Variants in GPHN observed in about 807,000 individuals in gnomAD.
GPHN encodes the protein gephyrin.
A neutral mutation model predicts 95.5 loss-of-function variants in GPHN; 17 were observed. That is an observed-to-expected ratio of 0.18 (90% confidence interval 0.12 to 0.27). GPHN has a LOEUF of 0.27. Among genes scored for constraint, GPHN ranks in the 10% least tolerant of loss-of-function variants. The pLI is 1.00. For synonymous variants in GPHN, 320 were observed against 322.5 expected (o/e 0.99, Z 0.08); for missense variants, 660 against 978.1 (o/e 0.67, Z 4.34).
chr14:66,964,186 T>C (rs2069156668), intron 8 of GPHN, among the ~76,000 whole-genome samples: 1 of 152,124 alleles, frequency 6.6e-6, no homozygotes, highest in African/African-American at 2.4e-5. Context: ...AGAATAATGA[T>C]AATTACATTA....
chr14:66,784,660 G>A (rs2059710924), intron 3 of GPHN, among the ~76,000 whole-genome samples: 1 of 152,116 alleles, frequency 6.6e-6, no homozygotes, highest in Non-Finnish European at 1.5e-5. Context: ...TGTCAATACT[G>A]GTAGAGTGTG....
chr14:67,120,053 G>C (rs187404933), intron 16 of GPHN, among the ~76,000 whole-genome samples: 23 of 151,954 alleles, frequency 1.5e-4, no homozygotes, highest in African/African-American at 5.3e-4. Context: ...TTGAACCCAG[G>C]GGGTGGAGGT....
chr14:66,714,923 T>G (rs925353108), intron 2 of GPHN, among the ~76,000 whole-genome samples: 3 of 152,150 alleles, frequency 2.0e-5, no homozygotes, highest in African/African-American at 7.2e-5. Flanking sequence ...TTCAGGGATA[T>G]TGGTCTGTAG....
the GPHN span, chr14:67,503,489 C>T: frequency 1.3e-5 from 2 of 152,144 alleles, no homozygotes; most frequent in East Asian, 3.9e-4. Flanking sequence ...TCAATTACCT[C>T]CTAAGGCAGC....
intron 1 of GPHN, among the ~76,000 whole-genome samples, chr14:66,614,473 CTT>C (rs2062914863): frequency 6.6e-6 from 1 of 151,824 alleles, no homozygotes; most frequent in Non-Finnish European, 1.5e-5. Flanking sequence ...TAATTTAAAA[CTT>C]ATTCACTTAT....
At chr14:66,713,249 C>T (rs1161275891) in intron 2 of GPHN, among the ~76,000 whole-genome samples, 4 of 152,208 alleles carry the variant, frequency 2.6e-5, no homozygotes, top group South Asian at 2.1e-4. Context: ...CTGATGTTAT[C>T]GTCTAGAATT....
At chr14:67,084,274 G>A (rs932452053) in intron 11 of GPHN, among the ~76,000 whole-genome samples, 5 of 152,138 alleles carry the variant, frequency 3.3e-5, no homozygotes, top group African/African-American at 1.2e-4. Context: ...CTTAAATTAT[G>A]CTAGTAAATT....
chr14:67,092,067 A>G (rs145142561), intron 12 of GPHN, among the ~76,000 whole-genome samples: 1,826 of 152,186 alleles, frequency 0.012, 19 homozygotes, highest in Non-Finnish European at 0.018. Context: ...TATGAACATC[A>G]TAATTAAAGA....
the GPHN span, among the ~76,000 whole-genome samples, chr14:67,225,956 T>TGCGC: frequency 1.5e-4 from 20 of 136,294 alleles, no homozygotes; most frequent in African/African-American, 4.5e-4. Context: ...TGTGTGTGTG[T>TGCGC]GTGTGTGCGC....
chr14:66,700,216 T>G (rs796575335), intron 2 of GPHN, among the ~76,000 whole-genome samples: 13 of 152,300 alleles, frequency 8.5e-5, no homozygotes, highest in African/African-American at 3.1e-4. Flanking sequence ...AAACCCTATT[T>G]GTTTTTAGGG....
chr14:67,653,327 T>C, the GPHN span: 6 of 826,966 alleles, frequency 7.3e-6, no homozygotes, highest in South Asian at 6.2e-5. Flanking sequence ...ACAGGGACTA[T>C]GCGTCAACTG....
At chr14:67,599,220 T>C in the GPHN span, among the ~76,000 whole-genome samples, 2 of 152,220 alleles carry the variant, frequency 1.3e-5, no homozygotes, top group East Asian at 1.9e-4. Context: ...GGATAATACA[T>C]TCAATTCAGG....
chr14:66,521,561 C>G (rs2058485447), intron 1 of GPHN, among the ~76,000 whole-genome samples: 1 of 152,286 alleles, frequency 6.6e-6, no homozygotes, highest in East Asian at 1.9e-4. Context: ...AAGGCACTAG[C>G]AGATCTGGTC....
At chr14:67,680,288 C>T in the GPHN span, among the ~76,000 whole-genome samples, 1 of 152,226 alleles carries the variant, frequency 6.6e-6, no homozygotes, top group African/African-American at 2.4e-5. Context: ...AAAAGATCAT[C>T]AGTGAGAACC....
rs568778830 is a variant in GPHN at position 66,851,656 on chromosome 14, AAG to A, written c.294+27097_294+27098del. On this transcript the variant is annotated intron_variant, in intron 4 of 22. Transcript: ENST00000478722. The stretch of plus-strand genomic sequence containing the variant: ...GCAGAATGGGTTTTGAGGGAGTGGC[AAG>A]AGAGAGCTGGGAAAAGTAGGTAAGG... 8.1e-4 allele frequency among the ~76,000 whole-genome samples: 124 copies of A among 152,298 alleles called. 1 individual carries two copies. The highest frequency in any genetic ancestry group is 2.8e-3 in the African/African-American group (117 of 41,572).
chr14:67,460,334 C>T, the GPHN span, among the ~76,000 whole-genome samples: 7 of 152,168 alleles, frequency 4.6e-5, no homozygotes, highest in African/African-American at 1.7e-4. Context: ...TCTCCCTATC[C>T]TCAGTTTGTT....
the GPHN span, chr14:67,651,297 G>C: frequency 3.5e-4 from 567 of 1,604,174 alleles, 2 homozygotes; most frequent in Middle Eastern, 2.6e-3. Context: ...TCAGCCCACA[G>C]CAGCAATATG....
the GPHN span, among the ~76,000 whole-genome samples, chr14:67,552,583 C>T: frequency 6.6e-6 from 1 of 152,012 alleles, no homozygotes; most frequent in African/African-American, 2.4e-5. Flanking sequence ...TTGGCTAACA[C>T]GGTGAAACCC....
chr14:67,729,376 T>C, the GPHN span: 1 of 1,597,432 alleles, frequency 6.3e-7, no homozygotes, highest in South Asian at 1.1e-5. Context: ...TGGCAAGTAC[T>C]TCAGGTGTGT....
Sources: allele counts gnomAD v4.1 joint callset (sites outside exome capture counted in the v4.1 genomes callset), GRCh38; gene constraint gnomAD v4.1.1; transcripts MANE v1.5; gene names NCBI Gene and HGNC (gene_info 2026-07-23, HGNC 2026-07-21).